Variants in ATP8A2 observed in about 807,000 individuals in gnomAD.
ATP8A2 encodes ATPase phospholipid transporting 8A2, also known as phospholipid-transporting ATPase IB.
In ATP8A2, 100 loss-of-function variants were observed where a neutral mutation model predicts 165.6. That is an observed-to-expected ratio of 0.60 (90% CI 0.51 to 0.71). The LOEUF is 0.71. Among genes scored for constraint, ATP8A2 ranks in the 30% least tolerant of loss-of-function variants. The pLI, the probability that ATP8A2 is intolerant of heterozygous loss-of-function variation, is 0.00. For missense variants in ATP8A2, 1,227 were observed against 1,479.5 expected (o/e 0.83, Z 2.80); for synonymous variants, 543 against 548.8 (o/e 0.99, Z 0.15).
intron 24 of ATP8A2, among the ~76,000 whole-genome samples, chr13:25,681,336 TA>T (rs2042483664): frequency 6.6e-6 from 1 of 152,224 alleles, no homozygotes; most frequent in Non-Finnish European, 1.5e-5. Flanking sequence ...ATTTTGGGAT[TA>T]ATGCTAACGT....
At chr13:25,847,225 A>G (rs921362020) in intron 30 of ATP8A2, among the ~76,000 whole-genome samples, 4 of 152,246 alleles carry the variant, frequency 2.6e-5, no homozygotes, top group African/African-American at 9.6e-5. Flanking sequence ...ATTTGTACAA[A>G]TGAAACTAAA....
At chr13:25,465,731 CTTT>C (rs1566153517) in intron 1 of ATP8A2, among the ~76,000 whole-genome samples, 41 of 68,124 alleles carry the variant, frequency 6.0e-4, no homozygotes, top group African/African-American at 2.0e-3. Flanking sequence ...TTCTTTCTTT[CTTT>C]CTTTCCCTCC....
At chr13:25,631,265 C>T (rs61947481) in intron 24 of ATP8A2, among the ~76,000 whole-genome samples, 1 of 152,174 alleles carries the variant, frequency 6.6e-6, no homozygotes, top group Non-Finnish European at 1.5e-5. Flanking sequence ...CACCTCCGCT[C>T]ACGTGTGGCT....
intron 27 of ATP8A2, among the ~76,000 whole-genome samples, chr13:25,798,935 C>T (rs1950554539): frequency 6.6e-6 from 1 of 151,902 alleles, no homozygotes; most frequent in Non-Finnish European, 1.5e-5. Context: ...AGGAGGATTG[C>T]TTGAGGCCAG....
chr13:25,964,227 C>G (rs1056933525), intron 34 of ATP8A2, among the ~76,000 whole-genome samples: 2 of 152,140 alleles, frequency 1.3e-5, no homozygotes, highest in African/African-American at 4.8e-5. Flanking sequence ...TTTAGGGGAG[C>G]AGGGAAAATA....
rs575357619 is a variant in ATP8A2 at position 25,513,764 on chromosome 13, G to C, written c.222-16235G>C. Among the ~76,000 whole-genome samples the C allele has an allele frequency of 5.0e-3, 756 of 152,302 alleles. 5 individuals carry two copies. Among genetic ancestry groups the C allele is most frequent in the African/African-American group, 0.018 (733 of 41,554 alleles). ...GCGGTTAGGAGCTGGAGACCAGCCC[G>C]GGCAACACAGCGAAACCCCGTCTCC... On this transcript the variant is annotated intron_variant, in intron 2 of 36. Transcript: ENST00000381655.
At chr13:25,735,576 A>G (rs929423436) in intron 25 of ATP8A2, among the ~76,000 whole-genome samples, 9 of 120,434 alleles carry the variant, frequency 7.5e-5, no homozygotes. Context: ...GGAAGTTCTT[A>G]TGTTAGAAAA....
intron 1 of ATP8A2, among the ~76,000 whole-genome samples, chr13:25,406,152 G>C (rs190550435): frequency 6.6e-6 from 1 of 152,200 alleles, no homozygotes; most frequent in Non-Finnish European, 1.5e-5. Flanking sequence ...GCTGAAGAAA[G>C]AGGTTGACAT....
intron 33 of ATP8A2, among the ~76,000 whole-genome samples, chr13:25,943,166 C>T (rs941871584): frequency 1.3e-5 from 2 of 152,070 alleles, no homozygotes; most frequent in African/African-American, 2.4e-5. Flanking sequence ...GAGAGGCATC[C>T]TCTCTCCAGA....
chr13:25,839,735 C>A, intron 30 of ATP8A2, 111 bp downstream of exon 30: 1 of 848,872 alleles, frequency 1.2e-6, no homozygotes, highest in Non-Finnish European at 2.0e-6. Flanking sequence ...CACAGGAACA[C>A]ATTTTAGAGG....
intron 30 of ATP8A2, among the ~76,000 whole-genome samples, chr13:25,859,342 T>C (rs1209810960): frequency 6.6e-6 from 1 of 152,084 alleles, no homozygotes; most frequent in East Asian, 1.9e-4. Flanking sequence ...AACCTGCGCA[T>C]GTACCCCAAA....
intron 24 of ATP8A2, among the ~76,000 whole-genome samples, chr13:25,617,100 A>G (rs979072831): frequency 6.6e-6 from 1 of 152,250 alleles, no homozygotes. Flanking sequence ...TTAGTAGCAG[A>G]CAAGACTCAA....
chr13:25,481,024 C>T (rs61947643), intron 2 of ATP8A2, among the ~76,000 whole-genome samples: 6,159 of 152,226 alleles, frequency 0.04, 150 homozygotes, highest in Non-Finnish European at 0.051. Context: ...GGCGTGGCAG[C>T]GCGCGCCTGC....
intron 2 of ATP8A2, among the ~76,000 whole-genome samples, chr13:25,479,909 C>A (rs2137572844): frequency 6.6e-6 from 1 of 152,184 alleles, no homozygotes; most frequent in African/African-American, 2.4e-5. Context: ...ACAGACACGG[C>A]AACCATCCGA....
At chr13:25,675,552 A>G (rs963613623) in intron 24 of ATP8A2, among the ~76,000 whole-genome samples, 1 of 152,224 alleles carries the variant, frequency 6.6e-6, no homozygotes, top group Non-Finnish European at 1.5e-5. Flanking sequence ...ATTTTGGGAA[A>G]TGGGATAACA....
chr13:25,560,175 A>G (rs1472956847), intron 15 of ATP8A2, among the ~76,000 whole-genome samples: 1 of 152,094 alleles, frequency 6.6e-6, no homozygotes, highest in Non-Finnish European at 1.5e-5. Context: ...TTGTATGTAA[A>G]TAAAAGTTGC....
intron 24 of ATP8A2, among the ~76,000 whole-genome samples, chr13:25,617,560 CTT>C (rs1268363017): frequency 2.0e-5 from 3 of 152,156 alleles, no homozygotes; most frequent in African/African-American, 7.2e-5. Flanking sequence ...TGACAAAACT[CTT>C]TTAAGTTCGG....
At chr13:25,658,838 A>T (rs1242755321) in intron 24 of ATP8A2, among the ~76,000 whole-genome samples, 1 of 152,030 alleles carries the variant, frequency 6.6e-6, no homozygotes, top group African/African-American at 2.4e-5. Context: ...GCTCAGAGCC[A>T]CCCCATAGTT....
At chr13:25,437,200 T>A (rs1022019902) in intron 1 of ATP8A2, among the ~76,000 whole-genome samples, 3 of 152,168 alleles carry the variant, frequency 2.0e-5, no homozygotes, top group African/African-American at 7.2e-5. Flanking sequence ...TGTTGGCTGC[T>A]TATATGTCTT....
Sources: gnomAD v4.1 joint callset for allele counts (sites outside exome capture counted in the v4.1 genomes callset) on GRCh38, gnomAD v4.1.1 for gene constraint, MANE v1.5 for transcripts, NCBI Gene and HGNC (gene_info 2026-07-23, HGNC 2026-07-21) for gene names.